The following RYR3 variants were observed in gnomAD, a reference collection of about 807,000 sequenced individuals.
The protein encoded by RYR3 is ryanodine receptor 3, also known as brain ryanodine receptor-calcium release channel.
In RYR3, 207 loss-of-function variants were observed where a neutral mutation model predicts 584.3. That is an observed-to-expected ratio of 0.35 (90% CI 0.32 to 0.40). RYR3 has a LOEUF of 0.40. RYR3 is among the 10% of genes least tolerant of loss of function. RYR3 has a pLI of 1.00. For synonymous variants in RYR3, 2,416 were observed against 2,248.5 expected (o/e 1.07, Z -2.11); for missense variants, 5,616 against 6,089.2 (o/e 0.92, Z 2.59).
At chr15:33,527,819 G>A (rs556632488) in intron 3 of RYR3, among the ~76,000 whole-genome samples, 3 of 152,310 alleles carry the variant, frequency 2.0e-5, no homozygotes, top group South Asian at 4.1e-4. Flanking sequence ...CTGAAAGGAG[G>A]AAGGGCAGAG....
At chr15:33,466,356 AG>A (rs999660752) in intron 1 of RYR3, among the ~76,000 whole-genome samples, 3 of 152,358 alleles carry the variant, frequency 2.0e-5, no homozygotes, top group African/African-American at 7.2e-5. Context: ...TATTTTAAAA[AG>A]GAAAGATAAA....
chr15:33,380,360 G>T (rs1324944969), intron 1 of RYR3, among the ~76,000 whole-genome samples: 1 of 152,154 alleles, frequency 6.6e-6, no homozygotes, highest in Non-Finnish European at 1.5e-5. Flanking sequence ...TGGGGATGGG[G>T]GATAGTTAGG....
chr15:33,630,026 G>T lies in RYR3; in HGVS notation c.2766G>T (p.Met922Ile). 6.3e-7 allele frequency: 1 copy of T among 1,594,548 alleles called. No individual in the cohort carries two copies. Among genetic ancestry groups the T allele is most frequent in the Non-Finnish European group, 8.6e-7 (1 of 1,168,218 alleles). ...CTGAGAAGAACTATAACCTGCAAAT[G>T]TCAACTGAAACCTTAAAGTGAGTAT... Reference protein sequence around the residue: ...PETEKNYNLQMSTETLKTLLA... With the variant: ...PETEKNYNLQISTETLKTLLA... Residue 922 changes from methionine to isoleucine, a missense_variant, in exon 22 of 104, where the codon ATG becomes ATT. Met to Ile is a conservative substitution (Grantham distance 10, BLOSUM62 1). This residue lies in a region of RYR3 where 1,284 missense variants were observed against 1,344.6 expected (regional missense o/e 0.95). Coordinates refer to ENST00000634891, the MANE Select transcript of RYR3 (RefSeq NM_001036.6).
chr15:33,746,015 A>G (rs747413485), intron 52 of RYR3, 53 bp from the exon 53 acceptor site: 6 of 1,183,142 alleles, frequency 5.1e-6, no homozygotes, highest in Non-Finnish European at 7.4e-6. Flanking sequence ...TTTGGGTCAC[A>G]TAGCGGGGTT....
chr15:33,466,692 A>G (rs2048514146), intron 1 of RYR3, among the ~76,000 whole-genome samples: 2 of 152,242 alleles, frequency 1.3e-5, no homozygotes. Flanking sequence ...CTATTGTAGA[A>G]GCAAACAGGG....
chr15:33,739,155 C>T (rs894530353), intron 50 of RYR3, among the ~76,000 whole-genome samples: 1 of 152,196 alleles, frequency 6.6e-6, no homozygotes, highest in Non-Finnish European at 1.5e-5. Context: ...TGCTCCACTT[C>T]CCCTAACCCA....
Position 33,785,718 on chromosome 15 carries a change from G to T in RYR3, c.9325G>T (p.Gly3109Cys). Residue 3109 changes from glycine (G) to cysteine (C), a missense_variant, in exon 66 of 104, where the codon GGC (glycine) becomes TGC (cysteine). This residue lies in a region of RYR3 where 954 missense variants were observed against 1,132.2 expected (regional missense o/e 0.84). Coordinates refer to ENST00000634891, the MANE Select transcript of RYR3 (RefSeq NM_001036.6). ...DMCPDIPQLE[G>C]LMKEINDLAE... ...GTGTCCTGACATCCCCCAGCTGGAA[G>T]GCCTGATGAAGGAAATCAACGACCT... 1 of 1,613,574 alleles carries T rather than the reference G, an allele frequency of 6.2e-7. No individual in the cohort carries two copies. Among genetic ancestry groups the T allele is most frequent in the Non-Finnish European group, 8.5e-7 (1 of 1,179,630 alleles).
In RYR3 at chr15:33,336,454, GA is replaced by G. The variant is rs1567046406; in HGVS notation, c.51+25359del. On this transcript the variant is annotated intron_variant, in intron 1 of 103. Transcript: ENST00000634891. ...AGAAAGAAAGAAAGAGAGAGAGAGA[GA>G]GAGAGAGAGAGAGAGAGAGAGAGAG... Among the ~76,000 whole-genome samples, 4 of 28,596 alleles carry G rather than the reference GA, an allele frequency of 1.4e-4. 1 individual carries two copies. The highest frequency in any genetic ancestry group is 6.7e-4 in the African/African-American group (2 of 3,006). 18.8% of individuals were successfully genotyped at this position (28,596 alleles called of 152,430 possible).
At chr15:33,530,928 T>C (rs1174589448) in intron 4 of RYR3, among the ~76,000 whole-genome samples, 2 of 152,182 alleles carry the variant, frequency 1.3e-5, no homozygotes, top group South Asian at 2.1e-4. Flanking sequence ...CTTATTTTGC[T>C]AGACCTATAA....
At chr15:33,586,645 C>A (rs16972835) in intron 16 of RYR3, among the ~76,000 whole-genome samples, 15,797 of 152,184 alleles carry the variant, frequency 0.1, 906 homozygotes, top group Middle Eastern at 0.21. Flanking sequence ...TTTTATACAA[C>A]GCAGCTATAT....
chr15:33,366,747 A>T (rs187080309), intron 1 of RYR3, among the ~76,000 whole-genome samples: 1 of 152,312 alleles, frequency 6.6e-6, no homozygotes, highest in East Asian at 1.9e-4. Context: ...GAGCCTGGAG[A>T]CACAGTAGAT....
Position 33,755,066 on chromosome 15 carries a change from G to T in RYR3, c.8401G>T (p.Gly2801Cys). 5.7e-6 allele frequency: 9 copies of T among 1,589,248 alleles called. No individual in the cohort carries two copies. The highest frequency in any genetic ancestry group is 6.9e-6 in the Non-Finnish European group (8 of 1,158,328). ...LQVNGIIVSR[G>C]MKDMELDASS... is the part of the protein sequence containing the mutation. ...GGGGTCTGTCCATGTCCAACGTAGG[G>T]GTATGAAGGATATGGAGCTGGATGC... Residue 2801 changes from glycine to cysteine, a missense_variant and splice_region_variant, in exon 58 of 104, where the codon GGT (glycine) becomes TGT (cysteine). Around this residue, in one of 9 missense-constraint regions of RYR3, gnomAD observed 1,280 missense variants for 1,426.2 expected, o/e 0.90. Coordinates refer to ENST00000634891, the MANE Select transcript of RYR3 (RefSeq NM_001036.6).
Position 33,794,123 on chromosome 15 carries a change from ATATATT to A in RYR3, c.9830+5671_9830+5676del, listed in dbSNP as rs1176646520. 1.3e-3 allele frequency among the ~76,000 whole-genome samples: 163 copies of A among 123,110 alleles called. 4 individuals are homozygous for A. Among genetic ancestry groups the A allele is most frequent in the African/African-American group, 5.2e-3 (154 of 29,550 alleles). 80.8% of individuals were successfully genotyped at this position (123,110 alleles called of 152,430 possible). ...TTATATAAATATAATATACATAAAT[ATATATT>A]TATATATAATATACATAAATATATA... On this transcript the variant is annotated intron_variant, in intron 67 of 103. Coordinates refer to ENST00000634891, the MANE Select transcript of RYR3 (RefSeq NM_001036.6).
chr15:33,407,250 A>C (rs566321311), intron 1 of RYR3, among the ~76,000 whole-genome samples: 1 of 152,352 alleles, frequency 6.6e-6, no homozygotes, highest in African/African-American at 2.4e-5. Context: ...AAGTGTCAAC[A>C]TGAATTTGGA....
At chr15:33,681,923 C>A (rs1168083130) in intron 38 of RYR3, among the ~76,000 whole-genome samples, 1 of 152,180 alleles carries the variant, frequency 6.6e-6, no homozygotes, top group African/African-American at 2.4e-5. Flanking sequence ...AACCTCCACT[C>A]TTCGATCATA....
rs111358737 is a variant in RYR3, at chr15:33,420,669, AT to A, written c.52-52740del. Among the ~76,000 whole-genome samples, 586 of 150,868 alleles carry A rather than the reference AT, an allele frequency of 3.9e-3. 2 individuals carry two copies. The highest frequency in any genetic ancestry group is 0.013 in the African/African-American group (541 of 41,176). ...ATTTGCAGCATGTTCTTTTCCTTCG[AT>A]TTTTTTTTTAAAACAATCTCACAAA... On this transcript the variant is annotated intron_variant, in intron 1 of 103. Transcript: ENST00000634891.
intron 67 of RYR3, among the ~76,000 whole-genome samples, chr15:33,796,478 G>A (rs545753359): frequency 2.0e-5 from 3 of 152,136 alleles, no homozygotes; most frequent in African/African-American, 7.2e-5. Context: ...CCTTCCTTCT[G>A]CCACCCCCCA....
chr15:33,851,720 A>G (rs2079129183), intron 94 of RYR3: 1 of 152,134 alleles, frequency 6.6e-6, no homozygotes, highest in African/African-American at 2.4e-5. Context: ...CTTAGGAGAA[A>G]ATGCGACCAG....
chr15:33,777,870 G>A (rs556059433), intron 64 of RYR3, among the ~76,000 whole-genome samples: 1 of 152,172 alleles, frequency 6.6e-6, no homozygotes, highest in African/African-American at 2.4e-5. Context: ...GTTCATCTCT[G>A]TGTAAAATTT....
Sources: gnomAD v4.1 joint callset for allele counts (sites outside exome capture counted in the v4.1 genomes callset) on GRCh38, gnomAD v4.1.1 for gene constraint, gnomAD v4.1.1 regional missense constraint, MANE v1.5 for transcripts, NCBI Gene and HGNC (gene_info 2026-07-23, HGNC 2026-07-21) for gene names.